E2F5: variants seen among roughly 807,000 people sequenced by gnomAD.
The protein encoded by E2F5 is E2F transcription factor 5.
E2F5 carries 23 observed loss-of-function variants against 39.1 expected under a neutral mutation model. The observed-to-expected ratio is 0.59, with a 90% CI of 0.42 to 0.83. E2F5 has a LOEUF of 0.83. E2F5 is among the 40% of genes least tolerant of loss of function. The pLI is 0.00. For missense variants in E2F5, 365 were observed against 406.7 expected, an observed-to-expected ratio of 0.90 and a Z score of 0.88; for synonymous variants, 145 against 157.8, an observed-to-expected ratio of 0.92 and a Z score of 0.61.
intron 6 of E2F5, among the ~76,000 whole-genome samples, chr8:85,209,965 G>T (rs1016093466): frequency 6.6e-6 from 1 of 152,158 alleles, no homozygotes; most frequent in Non-Finnish European, 1.5e-5. Flanking sequence ...CTCCAATTAT[G>T]TAGGAAATCT....
chr8:85,209,065 CCTGT>C, intron 5 of E2F5, 73 bp from the exon 6 acceptor site: 2 of 1,436,828 alleles, frequency 1.4e-6, no homozygotes, highest in Non-Finnish European at 9.5e-7. Context: ...AATAGCTTTG[CCTGT>C]CTTATTGTAC....
At chr8:85,186,638 A>C (rs139697177) in intron 1 of E2F5, among the ~76,000 whole-genome samples, 24 of 144,722 alleles carry the variant, frequency 1.7e-4, no homozygotes, top group Non-Finnish European at 2.8e-4. Context: ...TATGGTATAT[A>C]TGTAAGGTAT....
intron 1 of E2F5, among the ~76,000 whole-genome samples, chr8:85,184,484 C>T (rs1812285561): frequency 6.6e-6 from 1 of 152,226 alleles, no homozygotes; most frequent in Non-Finnish European, 1.5e-5. Flanking sequence ...CTCACCACTC[C>T]TATTCAGCAC....
At chr8:85,209,088 G>C (rs1298328383) in intron 5 of E2F5, 54 bp from the exon 6 acceptor site, 17 of 1,565,712 alleles carry the variant, frequency 1.1e-5, no homozygotes, top group Non-Finnish European at 8.7e-7. Flanking sequence ...ACTGTCTTAA[G>C]TTAGCTAGAA....
chr8:85,177,757 C>T, intron 1 of E2F5, 103 bp downstream of exon 1: 5 of 1,141,304 alleles, frequency 4.4e-6, no homozygotes, highest in Non-Finnish European at 5.4e-6. Flanking sequence ...GTAGACGCGC[C>T]TTGCGGGGAC....
chr8:85,201,349 C>A (rs979573032), intron 1 of E2F5, among the ~76,000 whole-genome samples: 25 of 152,142 alleles, frequency 1.6e-4, no homozygotes, highest in African/African-American at 5.8e-4. Flanking sequence ...AAATGTGGCT[C>A]CACATTCAAA....
At chr8:85,204,347 G>A (rs986344038) in intron 3 of E2F5, among the ~76,000 whole-genome samples, 1 of 152,034 alleles carries the variant, frequency 6.6e-6, no homozygotes, top group African/African-American at 2.4e-5. Context: ...CCCATCCTGG[G>A]ACTAGCCACT....
rs4150968 is a variant in E2F5 at position 85,211,468 on chromosome 8, AAC to A, written c.884-687_884-686del. 5.2e-4 allele frequency among the ~76,000 whole-genome samples: 79 copies of A among 152,004 alleles called. 1 individual carries two copies. The East Asian group carries it at 0.015, about 29-fold the overall frequency. On this transcript the variant is annotated intron_variant, in intron 6 of 7. Coordinates refer to ENST00000416274, the MANE Select transcript of E2F5 (RefSeq NM_001951.4). Reference sequence around the variant, plus strand: ...AGTGAGATCAGGAAGAGAAATAACGAACAGATTTGAGAAACACTGTAGGCAAA... The same window carrying A: ...AGTGAGATCAGGAAGAGAAATAACGAAGATTTGAGAAACACTGTAGGCAAA...
chr8:85,206,075 G>C lies in E2F5; in HGVS notation c.507-102G>C. 2.7e-6 allele frequency: 3 copies of C among 1,097,610 alleles called. 1 individual carries two copies. In the Middle Eastern group the frequency reaches 7.3e-4, roughly 267 times the overall value. The allele number at this position is 1,097,610 out of a possible 1,614,324, so 68.0% of individuals were successfully genotyped here. ...TCTGTCCATGTGTGGCAGTCCCTCT[G>C]TGCATATGGTCATTTAGTTATTTTG... On this transcript the variant is annotated intron_variant, in intron 3 of 7. Transcript: ENST00000416274.
At chr8:85,180,177 T>A (rs1296664117) in intron 1 of E2F5, among the ~76,000 whole-genome samples, 3 of 151,486 alleles carry the variant, frequency 2.0e-5, no homozygotes, top group African/African-American at 7.3e-5. Flanking sequence ...CCCGCCACCA[T>A]GCCCGACTCA....
intron 1 of E2F5, among the ~76,000 whole-genome samples, chr8:85,186,729 ATATATATAAGGTATATATATGG>A (rs1470784642): frequency 3.4e-5 from 5 of 147,060 alleles, no homozygotes; most frequent in Non-Finnish European, 6.0e-5. Flanking sequence ...TGTATATATG[ATATATATAAGGTATATATATGG>A]TATATATAAG....
intron 1 of E2F5, among the ~76,000 whole-genome samples, chr8:85,182,321 C>G (rs1294112806): frequency 6.6e-6 from 1 of 152,194 alleles, no homozygotes; most frequent in Non-Finnish European, 1.5e-5. Flanking sequence ...GCAGAACAGC[C>G]CCATTTCACA....
At chr8:85,201,906 CT>C (rs1201813878) in intron 1 of E2F5, 1 of 503,914 alleles carries the variant, frequency 2.0e-6, no homozygotes, top group African/African-American at 2.0e-5. Flanking sequence ...TTTTTGCAGG[CT>C]TTGTGTCATG....
intron 1 of E2F5, among the ~76,000 whole-genome samples, chr8:85,199,593 T>C (rs1323282571): frequency 6.6e-6 from 1 of 152,118 alleles, no homozygotes; most frequent in Non-Finnish European, 1.5e-5. Flanking sequence ...CTGTTAGATA[T>C]TAAAGCCCCA....
rs1563980329 is a variant in E2F5, at chr8:85,198,119, T to A, written c.235-4028T>A. On this transcript the variant is annotated intron_variant, in intron 1 of 7. Transcript: ENST00000416274. The stretch of plus-strand genomic sequence containing the variant: ...TTTCTCCCTACCTGGTCTACTAATG[T>A]ACCTATATCTGTACCCAGGTACTCT... 3.3e-5 allele frequency among the ~76,000 whole-genome samples: 5 copies of A among 152,228 alleles called. No individual in the cohort carries two copies. In the South Asian group the frequency reaches 1.0e-3, roughly 32 times the overall value.
intron 1 of E2F5, among the ~76,000 whole-genome samples, chr8:85,178,958 TCTA>T (rs1812144398): frequency 6.6e-6 from 1 of 152,250 alleles, no homozygotes; most frequent in African/African-American, 2.4e-5. Flanking sequence ...GTAAGTAATT[TCTA>T]CTATTTTCTT....
At position 85,214,120 on chromosome 8, in the gene E2F5, T is replaced by C; in HGVS notation, c.*258T>C. 1 of 559,396 alleles carries C rather than the reference T, an allele frequency of 1.8e-6. No individual in the cohort carries two copies. The highest frequency in any genetic ancestry group is 3.3e-6 in the Non-Finnish European group (1 of 298,744). The allele number at this position is 559,396 out of a possible 1,614,324, so 34.7% of individuals were successfully genotyped here. On this transcript the variant is annotated 3_prime_UTR_variant, in exon 8 of 8. Transcript: ENST00000416274. ...AGTAACTATATTCTGGATTTCAACTTTTCTTCTAATTGTGAATCCTTCTGT... is the reference window on the plus strand; with the variant it reads ...AGTAACTATATTCTGGATTTCAACTCTTCTTCTAATTGTGAATCCTTCTGT...
chr8:85,211,640 G>GTTTTTTTTT (rs1563984332), intron 6 of E2F5, among the ~76,000 whole-genome samples: 1 of 81,058 alleles, frequency 1.2e-5, no homozygotes, highest in African/African-American at 6.3e-5. Flanking sequence ...GAGGTTTGTT[G>GTTTTTTTTT]TTGTTTTTTT....
chr8:85,186,519 A>G (rs1026065646), intron 1 of E2F5, among the ~76,000 whole-genome samples: 14 of 150,704 alleles, frequency 9.3e-5, no homozygotes, highest in African/African-American at 3.2e-4. Flanking sequence ...GTGTGTGTGT[A>G]TATATATGTA....
Sources: allele counts gnomAD v4.1 joint callset (sites outside exome capture counted in the v4.1 genomes callset), GRCh38; gene constraint gnomAD v4.1.1; transcripts MANE v1.5; gene names NCBI Gene and HGNC (gene_info 2026-07-23, HGNC 2026-07-21).